The following CCDC122 variants were observed in gnomAD, a reference collection of about 807,000 sequenced individuals.
The protein encoded by CCDC122 is coiled-coil domain containing 122, also known as coiled-coil domain-containing protein 122.
In CCDC122, 38 loss-of-function variants were observed where a neutral mutation model predicts 37.0. The ratio of observed to expected loss-of-function variants is 1.03; its 90% confidence interval spans 0.79 to 1.35. The LOEUF (loss-of-function observed/expected upper bound fraction) is 1.35. Ranked by LOEUF, CCDC122 falls within the 40% of genes most tolerant of loss-of-function variation. CCDC122 has a pLI of 0.00. For missense variants in CCDC122, 305 were observed against 310.0 expected, an observed-to-expected ratio of 0.98 and a Z score of 0.12; for synonymous variants, 83 against 95.6, an observed-to-expected ratio of 0.87 and a Z score of 0.77.
intron 3 of CCDC122, 26 bp downstream of exon 3, chr13:43,869,301 ATTAT>A: frequency 6.5e-7 from 1 of 1,529,342 alleles, no homozygotes; most frequent in Non-Finnish European, 9.0e-7. Flanking sequence ...TGATCTTTTA[ATTAT>A]TTATTTCTTA....
At chr13:43,857,565 T>C (rs761244582) in intron 6 of CCDC122, among the ~76,000 whole-genome samples, 5 of 152,188 alleles carry the variant, frequency 3.3e-5, no homozygotes, top group Admixed American at 2.0e-4. Flanking sequence ...ATTTTGTTTT[T>C]ACCACTCAAG....
intron 1 of CCDC122, among the ~76,000 whole-genome samples, chr13:43,878,874 A>G (rs1289887788): frequency 6.6e-6 from 1 of 152,204 alleles, no homozygotes; most frequent in African/African-American, 2.4e-5. Context: ...GGTCAGCAAG[A>G]ATCAGCACAA....
Position 43,868,799 on chromosome 13 carries a change from G to A in CCDC122, c.51C>T (p.Asn17=). 2 of 1,465,774 alleles carry A rather than the reference G, an allele frequency of 1.4e-6. No individual in the cohort carries two copies. Among genetic ancestry groups the A allele is most frequent in the South Asian group, 1.4e-5 (1 of 69,458 alleles). The allele number at this position is 1,465,774 out of a possible 1,614,324, so 90.8% of individuals were successfully genotyped here. The change falls in exon 4 of 7, where the codon AAC becomes AAT. Residue 17 remains asparagine, a synonymous_variant. Transcript: ENST00000444614. ...RKSQGFPKED[N]QDTSSLADAV... The stretch of plus-strand genomic sequence containing the variant: ...CATCAGCTAATGAACTTGTGTCTTG[G>A]TTATCTACAATTAGACAAAAGAATA...
intron 6 of CCDC122, among the ~76,000 whole-genome samples, chr13:43,847,187 CTA>C (rs1296993858): frequency 6.6e-6 from 1 of 152,116 alleles, no homozygotes; most frequent in Admixed American, 6.5e-5. Context: ...TATGAAAAAT[CTA>C]TGAGACAGAT....
downstream of CCDC122, among the ~76,000 whole-genome samples, chr13:43,823,466 A>G (rs1566936551): frequency 6.6e-6 from 1 of 152,270 alleles, no homozygotes; most frequent in East Asian, 1.9e-4. Context: ...GCTCTAGGCC[A>G]TTTACCTGAC....
intron 6 of CCDC122, among the ~76,000 whole-genome samples, chr13:43,846,755 G>A (rs1036374920): frequency 8.5e-5 from 13 of 152,070 alleles, no homozygotes; most frequent in Non-Finnish European, 1.8e-4. Context: ...TTTATCCCTC[G>A]TGTGTGCAGT....
rs1041438949 is a variant in CCDC122, at chr13:43,836,527, G to A, written c.*753C>T. On this transcript the variant is annotated 3_prime_UTR_variant, in exon 7 of 7. Transcript: ENST00000444614. ...ATCAATATTTATGGGCTACTGTGAA[G>A]GCAGCTGTAAAAAAACAAGTTCCAA... The A allele has an allele frequency of 6.6e-6, 1 of 152,128 alleles. No homozygotes were observed. Among genetic ancestry groups the A allele is most frequent in the African/African-American group, 2.4e-5 (1 of 41,430 alleles). The allele number at this position is 152,128 out of a possible 1,614,324, so 9.4% of individuals were successfully genotyped here. A position where few individuals can be genotyped will look rare whatever the true frequency, so the allele number is the denominator to read the frequency against.
chr13:43,866,631 A>G (rs1187026234), intron 4 of CCDC122, among the ~76,000 whole-genome samples: 1 of 152,208 alleles, frequency 6.6e-6, no homozygotes, highest in African/African-American at 2.4e-5. Context: ...AGTGTTCAGC[A>G]TACTGGTCTT....
intron 1 of CCDC122, 80 bp downstream of exon 1, chr13:43,879,551 T>G (rs574758397): frequency 6.6e-6 from 1 of 152,298 alleles, no homozygotes; most frequent in Non-Finnish European, 1.5e-5. Context: ...CTCGCGGCGC[T>G]TGGCTCATCC....
intron 3 of CCDC122, among the ~76,000 whole-genome samples, chr13:43,830,179 C>T (rs1953076261): frequency 6.6e-6 from 1 of 151,990 alleles, no homozygotes; most frequent in Non-Finnish European, 1.5e-5. Flanking sequence ...CCCAACCTGG[C>T]TTGCTTTTCT....
chr13:43,834,099 G>C (rs948971789), downstream of CCDC122, among the ~76,000 whole-genome samples: 2 of 151,980 alleles, frequency 1.3e-5, no homozygotes, highest in African/African-American at 4.8e-5. Flanking sequence ...TCCAAGATAA[G>C]AAAGAACAGA....
At chr13:43,865,778 C>T (rs901115133) in intron 4 of CCDC122, among the ~76,000 whole-genome samples, 2 of 152,052 alleles carry the variant, frequency 1.3e-5, no homozygotes, top group African/African-American at 4.8e-5. Context: ...TTTATTTTTT[C>T]TTCTTTACAA....
downstream of CCDC122, among the ~76,000 whole-genome samples, chr13:43,833,452 G>T (rs1953109595): frequency 6.6e-6 from 1 of 152,142 alleles, no homozygotes. Context: ...TTTGAGAGTT[G>T]ACATTTTGCT....
At chr13:43,849,696 G>T (rs141482475) in intron 6 of CCDC122, among the ~76,000 whole-genome samples, 79 of 152,310 alleles carry the variant, frequency 5.2e-4, no homozygotes, top group African/African-American at 1.8e-3. Flanking sequence ...TTTTACTAAA[G>T]TCAAACACTA....
chr13:43,854,063 A>G (rs1953828927), intron 6 of CCDC122: 1 of 152,192 alleles, frequency 6.6e-6, no homozygotes, highest in South Asian at 2.1e-4. Flanking sequence ...ACAACCTAAC[A>G]TCACGACTAA....
At chr13:43,826,240 G>GTTGTTTAATA in intron 3 of CCDC122, among the ~76,000 whole-genome samples, 2 of 152,034 alleles carry the variant, frequency 1.3e-5, no homozygotes, top group Non-Finnish European at 1.5e-5. Context: ...ATATTAAATA[G>GTTGTTTAATA]TGCTATATTG....
At chr13:43,828,713 TG>T (rs1426960107) in intron 3 of CCDC122, among the ~76,000 whole-genome samples, 1 of 152,138 alleles carries the variant, frequency 6.6e-6, no homozygotes, top group Non-Finnish European at 1.5e-5. Flanking sequence ...TAGAATTCTT[TG>T]CCATCAGTTT....
At chr13:43,835,653 A>G (rs989079007), downstream of CCDC122, among the ~76,000 whole-genome samples, 3 of 152,226 alleles carry the variant, frequency 2.0e-5, no homozygotes, top group African/African-American at 7.2e-5. Flanking sequence ...AAGTTTTTGA[A>G]TCTATAACTC....
chr13:43,827,824 T>C (rs1165862286), intron 3 of CCDC122, among the ~76,000 whole-genome samples: 1 of 152,160 alleles, frequency 6.6e-6, no homozygotes, highest in Non-Finnish European at 1.5e-5. Context: ...AATTCAGACA[T>C]GTTAAATGAA....
Sources: allele counts gnomAD v4.1 joint callset (sites outside exome capture counted in the v4.1 genomes callset), GRCh38; gene constraint gnomAD v4.1.1; transcripts MANE v1.5; gene names NCBI Gene and HGNC (gene_info 2026-07-23, HGNC 2026-07-21).